ASTN2: variants seen among roughly 807,000 people sequenced by gnomAD.
ASTN2 encodes astrotactin-2.
In ASTN2, 54 loss-of-function variants were observed where a neutral mutation model predicts 139.8. That is an observed-to-expected ratio of 0.39 (90% CI 0.31 to 0.48). The LOEUF is 0.48. ASTN2 is among the 20% of genes least tolerant of loss of function. ASTN2 has a pLI of 0.95. For synonymous variants in ASTN2, 756 were observed against 719.5 expected, an observed-to-expected ratio of 1.05 and a Z score of -0.81; for missense variants, 1,565 against 1,725.1, an observed-to-expected ratio of 0.91 and a Z score of 1.64.
chr9:117,333,379 A>T (rs1053561497), intron 1 of ASTN2, among the ~76,000 whole-genome samples: 2 of 152,158 alleles, frequency 1.3e-5, no homozygotes, highest in African/African-American at 2.4e-5. Context: ...AGGAAAAAAA[A>T]CCTGATTTTT....
chr9:117,336,046 G>A (rs1396102296), intron 1 of ASTN2, among the ~76,000 whole-genome samples: 1 of 145,146 alleles, frequency 6.9e-6, no homozygotes, highest in Non-Finnish European at 1.5e-5. Context: ...GGAGACAGGA[G>A]GTCTGGAAAG....
At chr9:116,960,354 A>G (rs1835843454) in intron 10 of ASTN2, among the ~76,000 whole-genome samples, 1 of 152,110 alleles carries the variant, frequency 6.6e-6, no homozygotes, top group Non-Finnish European at 1.5e-5. Context: ...TATGCATGCC[A>G]GCTTTTTATG....
At chr9:117,231,891 G>A (rs548221495) in intron 2 of ASTN2, among the ~76,000 whole-genome samples, 1 of 152,082 alleles carries the variant, frequency 6.6e-6, no homozygotes, top group African/African-American at 2.4e-5. Context: ...TCTCTGTCCC[G>A]ACCTAGAGGC....
intron 11 of ASTN2, among the ~76,000 whole-genome samples, chr9:116,842,468 C>T (rs1345769143): frequency 6.6e-6 from 1 of 152,006 alleles, no homozygotes; most frequent in Admixed American, 6.6e-5. Context: ...ACTGAGTGGG[C>T]CTGGTTCTTC....
chr9:116,886,387 T>G (rs1312398510), intron 10 of ASTN2, among the ~76,000 whole-genome samples: 5 of 152,230 alleles, frequency 3.3e-5, no homozygotes, highest in Non-Finnish European at 7.3e-5. Flanking sequence ...TTCTTTTCTT[T>G]TTCTTGAAAC....
Position 117,260,118 on chromosome 9 carries a change from G to A in ASTN2, c.630+31208C>T, listed in dbSNP as rs573941559. 5.3e-5 allele frequency among the ~76,000 whole-genome samples: 8 copies of A among 152,170 alleles called. No individual in the cohort carries two copies. In the South Asian group the frequency reaches 1.7e-3, roughly 32 times the overall value. ...AATTCTCATGGGCTTGGGGAGAGGG[G>A]ATCAGGTACAGCCTAACGTTGCCCC... On this transcript the variant is annotated intron_variant, in intron 2 of 22. Coordinates refer to ENST00000313400, the MANE Select transcript of ASTN2 (RefSeq NM_001365068.1).
At chr9:117,279,813 T>C (rs1834282650) in intron 2 of ASTN2, among the ~76,000 whole-genome samples, 1 of 152,364 alleles carries the variant, frequency 6.6e-6, no homozygotes, top group African/African-American at 2.4e-5. Flanking sequence ...TCACAAATGA[T>C]GCCTCTTCCA....
chr9:116,855,591 C>A (rs979195710), intron 11 of ASTN2, among the ~76,000 whole-genome samples: 1 of 152,140 alleles, frequency 6.6e-6, no homozygotes. Flanking sequence ...GAAGAAAGTG[C>A]CCCTCTCTTC....
chr9:117,218,813 G>A (rs923233295), intron 2 of ASTN2, among the ~76,000 whole-genome samples: 3 of 152,146 alleles, frequency 2.0e-5, no homozygotes, highest in Admixed American at 6.5e-5. Flanking sequence ...ATCTAATGCT[G>A]CACATATAAG....
At chr9:117,190,226 C>T (rs1015186450) in intron 3 of ASTN2, among the ~76,000 whole-genome samples, 11 of 152,156 alleles carry the variant, frequency 7.2e-5, no homozygotes, top group Non-Finnish European at 1.3e-4. Flanking sequence ...CCAAGTGAGG[C>T]AGAAATGTGA....
At chr9:117,282,561 C>A (rs78472710) in intron 2 of ASTN2, among the ~76,000 whole-genome samples, 125 of 152,272 alleles carry the variant, frequency 8.2e-4, no homozygotes, top group African/African-American at 2.9e-3. Context: ...TGCATGTGCA[C>A]CCCCTGTAAA....
At chr9:117,058,103 G>A (rs1029406409) in intron 5 of ASTN2, among the ~76,000 whole-genome samples, 11 of 152,168 alleles carry the variant, frequency 7.2e-5, no homozygotes, top group Non-Finnish European at 1.3e-4. Context: ...GTTACTCCAC[G>A]TTCCTCAGGG....
intron 3 of ASTN2, among the ~76,000 whole-genome samples, chr9:117,149,496 A>G (rs933080725): frequency 2.6e-5 from 4 of 152,044 alleles, no homozygotes; most frequent in African/African-American, 9.7e-5. Context: ...ACTCTGACCA[A>G]TGCAACCTCA....
intron 20 of ASTN2, among the ~76,000 whole-genome samples, chr9:116,457,378 C>T (rs977009092): frequency 6.6e-6 from 1 of 151,936 alleles, no homozygotes; most frequent in Non-Finnish European, 1.5e-5. Context: ...GAAAACTGCA[C>T]AGCAAAGGAA....
chr9:116,840,908 A>G (rs1158293707), intron 11 of ASTN2, among the ~76,000 whole-genome samples: 2 of 151,736 alleles, frequency 1.3e-5, no homozygotes, highest in African/African-American at 4.8e-5. Context: ...GCAGCCAGGC[A>G]GAGGGGCTCC....
intron 19 of ASTN2, among the ~76,000 whole-genome samples, chr9:116,502,687 G>A (rs1337803068): frequency 1.8e-4 from 1 of 5,548 alleles, no homozygotes; most frequent in Non-Finnish European, 5.2e-4. Flanking sequence ...AGGAAAGAAG[G>A]AAGGAAGGAA....
chr9:117,230,292 C>G (rs1190656630), intron 2 of ASTN2, among the ~76,000 whole-genome samples: 1 of 151,930 alleles, frequency 6.6e-6, no homozygotes, highest in Non-Finnish European at 1.5e-5. Flanking sequence ...GGGCCAAGCT[C>G]CCTCCAAAGG....
intron 6 of ASTN2, among the ~76,000 whole-genome samples, chr9:117,024,941 C>G (rs1380970935): frequency 6.6e-6 from 1 of 151,978 alleles, no homozygotes; most frequent in African/African-American, 2.4e-5. Flanking sequence ...GGGGAAAGCC[C>G]TTTCATTTAG....
At chr9:117,256,467 C>T (rs1162762794) in intron 2 of ASTN2, among the ~76,000 whole-genome samples, 2 of 152,072 alleles carry the variant, frequency 1.3e-5, no homozygotes, top group Admixed American at 6.6e-5. Context: ...ACTAAGGTTC[C>T]CATCTTAAAG....
Sources: gnomAD v4.1 joint callset for allele counts (sites outside exome capture counted in the v4.1 genomes callset) on GRCh38, gnomAD v4.1.1 for gene constraint, MANE v1.5 for transcripts, NCBI Gene and HGNC (gene_info 2026-07-23, HGNC 2026-07-21) for gene names.